The following NOS1AP variants were observed in gnomAD, a reference collection of about 807,000 sequenced individuals.
NOS1AP encodes the protein carboxyl-terminal PDZ ligand of neuronal nitric oxide synthase protein.
NOS1AP carries 21 observed loss-of-function variants against 56.2 expected under a neutral mutation model. The ratio of observed to expected loss-of-function variants is 0.37; its 90% CI spans 0.26 to 0.54. The LOEUF (loss-of-function observed/expected upper bound fraction) is 0.54, where lower values mean the gene tolerates loss of function less well. NOS1AP is among the 20% of genes least tolerant of loss of function. NOS1AP has a pLI of 0.84. For missense variants in NOS1AP, 522 were observed against 657.8 expected (o/e 0.79, Z 2.26); for synonymous variants, 270 against 274.6 (o/e 0.98, Z 0.17).
intron 2 of NOS1AP, among the ~76,000 whole-genome samples, chr1:162,218,938 A>G (rs560826982): frequency 2.0e-5 from 3 of 152,244 alleles, no homozygotes; most frequent in East Asian, 3.9e-4. Flanking sequence ...AGCTTGGCCT[A>G]AAACAGTTTT....
At chr1:162,353,962 C>A (rs1446714391) in intron 6 of NOS1AP, among the ~76,000 whole-genome samples, 5 of 152,224 alleles carry the variant, frequency 3.3e-5, no homozygotes, top group Non-Finnish European at 7.3e-5. Flanking sequence ...CAGTCAGAAC[C>A]ATCTTTTCTG....
At chr1:162,170,619 G>A (rs1035810611) in intron 2 of NOS1AP, among the ~76,000 whole-genome samples, 1 of 152,104 alleles carries the variant, frequency 6.6e-6, no homozygotes, top group African/African-American at 2.4e-5. Flanking sequence ...GAAAAGAAAG[G>A]AGAAGTGCTA....
At chr1:162,327,910 G>A (rs966367541) in intron 4 of NOS1AP, among the ~76,000 whole-genome samples, 6 of 152,222 alleles carry the variant, frequency 3.9e-5, no homozygotes, top group African/African-American at 1.2e-4. Flanking sequence ...AACTTAACAT[G>A]TGTTGGGCAT....
rs1293530099 is a variant in NOS1AP at position 162,154,400 on chromosome 1, C to T, written c.106-5C>T. On this transcript the variant is annotated splice_polypyrimidine_tract_variant and splice_region_variant and intron_variant, in intron 1 of 9. Transcript: ENST00000361897. ...TCTCAATGAGTGTTTGCTTCTCCCC[C>T]ACAGTACGTAGGAAGCCTGGACGTG... 1.9e-6 allele frequency: 3 copies of T among 1,613,960 alleles called. No individual in the cohort carries two copies. Among genetic ancestry groups the T allele is most frequent in the Non-Finnish European group, 2.5e-6 (3 of 1,179,892 alleles).
intron 1 of NOS1AP, among the ~76,000 whole-genome samples, chr1:162,108,012 A>T (rs953143085): frequency 5.9e-5 from 9 of 152,216 alleles, no homozygotes; most frequent in African/African-American, 2.2e-4. Flanking sequence ...ATACAATATG[A>T]ACTCAAAGCA....
intron 2 of NOS1AP, among the ~76,000 whole-genome samples, chr1:162,201,632 T>C (rs997409185): frequency 4.6e-5 from 7 of 152,330 alleles, no homozygotes; most frequent in East Asian, 3.9e-4. Flanking sequence ...GACTTTTTAG[T>C]AATAGCCATT....
At chr1:162,216,614 C>T (rs953752940) in intron 2 of NOS1AP, among the ~76,000 whole-genome samples, 1 of 152,198 alleles carries the variant, frequency 6.6e-6, no homozygotes, top group Middle Eastern at 3.2e-3. Flanking sequence ...TACAATTTGT[C>T]CTGTCAACAT....
chr1:162,301,995 TA>T lies in NOS1AP; in HGVS notation c.344+1292del, dbSNP rs1314982478. The stretch of plus-strand genomic sequence containing the variant: ...TAGGTAATTTCATAGATTACTAAAC[TA>T]AATGAGTTGCAGTCCCTTGTTCTCA... On this transcript the variant is annotated intron_variant, in intron 4 of 9. Coordinates refer to ENST00000361897, the MANE Select transcript of NOS1AP (RefSeq NM_014697.3). Among the ~76,000 whole-genome samples the T allele has an allele frequency of 2.0e-5, 3 of 152,334 alleles. No individual in the cohort carries two copies. The East Asian group carries it at 5.8e-4, about 29-fold the overall frequency.
At chr1:162,281,405 T>G (rs1176045228) in intron 2 of NOS1AP, among the ~76,000 whole-genome samples, 1 of 152,222 alleles carries the variant, frequency 6.6e-6, no homozygotes, top group Non-Finnish European at 1.5e-5. Context: ...GGTAGAAATA[T>G]GTATCAGTCA....
chr1:162,208,729 C>T (rs1361627583), intron 2 of NOS1AP, among the ~76,000 whole-genome samples: 5 of 152,202 alleles, frequency 3.3e-5, no homozygotes, highest in Admixed American at 2.0e-4. Context: ...TTAGACACTG[C>T]CTGTACCCTG....
chr1:162,164,384 C>A (rs1319431635), intron 2 of NOS1AP, among the ~76,000 whole-genome samples: 3 of 152,250 alleles, frequency 2.0e-5, no homozygotes, highest in East Asian at 3.8e-4. Context: ...ACATAATTAT[C>A]ATTTTAATCA....
Position 162,330,547 on chromosome 1 carries a change from G to A in NOS1AP, c.345-2470G>A, listed in dbSNP as rs189814727. 2.0e-5 allele frequency among the ~76,000 whole-genome samples: 3 copies of A among 152,316 alleles called. No individual in the cohort carries two copies. In the East Asian group the frequency reaches 5.8e-4, roughly 29 times the overall value. On this transcript the variant is annotated intron_variant, in intron 4 of 9. Transcript: ENST00000361897. ...AAGATGCACACACCTAGTTCTGCAG[G>A]CCTGTGTAGGTCAGGACTCTGGAGA... is the stretch of plus-strand genomic sequence containing the variant.
chr1:162,350,756 T>C (rs1487104638), intron 6 of NOS1AP, among the ~76,000 whole-genome samples: 1 of 152,260 alleles, frequency 6.6e-6, no homozygotes, highest in African/African-American at 2.4e-5. Flanking sequence ...ATTAGAGTTC[T>C]GGCCTTATTC....
intron 4 of NOS1AP, among the ~76,000 whole-genome samples, chr1:162,311,439 C>G (rs1057382354): frequency 1.3e-5 from 2 of 152,150 alleles, no homozygotes; most frequent in African/African-American, 4.8e-5. Flanking sequence ...TTAATACCTA[C>G]AATGGATGAT....
At chr1:162,071,693 G>C (rs925281248) in intron 1 of NOS1AP, among the ~76,000 whole-genome samples, 2 of 152,208 alleles carry the variant, frequency 1.3e-5, no homozygotes, top group Non-Finnish European at 2.9e-5. Flanking sequence ...GACCTGGTCG[G>C]TGGGTCTAAG....
At chr1:162,145,406 G>T (rs1649420138) in intron 1 of NOS1AP, among the ~76,000 whole-genome samples, 1 of 152,056 alleles carries the variant, frequency 6.6e-6, no homozygotes, top group African/African-American at 2.4e-5. Flanking sequence ...CCTCACAAGT[G>T]GGGAGTGGGA....
chr1:162,146,096 T>A (rs1649453967), intron 1 of NOS1AP, among the ~76,000 whole-genome samples: 1 of 152,244 alleles, frequency 6.6e-6, no homozygotes, highest in Non-Finnish European at 1.5e-5. Context: ...GAGCTGGGAG[T>A]GCAGCAGAGG....
intron 2 of NOS1AP, among the ~76,000 whole-genome samples, chr1:162,252,777 G>A (rs896326587): frequency 3.9e-5 from 6 of 152,012 alleles, no homozygotes; most frequent in Non-Finnish European, 8.8e-5. Context: ...AGCTAAGTGT[G>A]GCAATTTAAG....
chr1:162,097,301 G>A (rs936338786), intron 1 of NOS1AP, among the ~76,000 whole-genome samples: 1 of 151,884 alleles, frequency 6.6e-6, no homozygotes, highest in East Asian at 1.9e-4. Context: ...TCTAAATGCT[G>A]GTCTCAGTTA....
Sources: allele counts gnomAD v4.1 joint callset (sites outside exome capture counted in the v4.1 genomes callset), GRCh38; gene constraint gnomAD v4.1.1; transcripts MANE v1.5; gene names NCBI Gene and HGNC (gene_info 2026-07-23, HGNC 2026-07-21).